PDZD2: variants seen among roughly 807,000 people sequenced by gnomAD.
PDZD2 encodes the protein PDZ domain containing 2, also known as PDZ domain-containing protein 2.
PDZD2 carries 90 observed loss-of-function variants against 220.7 expected under a neutral mutation model. The observed-to-expected ratio is 0.41, with a 90% CI of 0.34 to 0.49. PDZD2 has a LOEUF of 0.49. Among genes scored for constraint, PDZD2 ranks in the 20% least tolerant of loss-of-function variants. The pLI, the probability that PDZD2 is intolerant of heterozygous loss-of-function variation, is 0.28. For missense variants in PDZD2, 3,174 were observed against 3,608.5 expected, an observed-to-expected ratio of 0.88 and a Z score of 3.08; for synonymous variants, 1,375 against 1,450.5, an observed-to-expected ratio of 0.95 and a Z score of 1.18.
rs1332677142 is a variant in PDZD2 at position 32,089,811 on chromosome 5, G to A, written c.6363G>A (p.Gln2121=). ...ACAGACGGGGAGGGTGCTTGGCCCA[G>A]GGCAACTGTCAGGAGAAGAGTGAAA... ...ESDRRGGCLA[Q]GNCQEKSEIR... The change falls in exon 20 of 25, where the codon CAG becomes CAA. Residue 2121 remains glutamine, a synonymous_variant. Transcript: ENST00000438447. The A allele has an allele frequency of 1.9e-6, 3 of 1,614,018 alleles. No homozygotes were observed. Among genetic ancestry groups the A allele is most frequent in the African/African-American group, 1.3e-5 (1 of 74,952 alleles).
At chr5:31,890,055 C>T (rs1740874016) in intron 2 of PDZD2, among the ~76,000 whole-genome samples, 1 of 150,212 alleles carries the variant, frequency 6.7e-6, no homozygotes, top group Non-Finnish European at 1.5e-5. Flanking sequence ...ACCCCCCCAC[C>T]CCCACCAAAA....
Position 32,072,285 on chromosome 5 carries a change from CGGA to C in PDZD2, c.2699_2701del (p.Glu900del), listed in dbSNP as rs1740828595. The C allele has an allele frequency of 3.1e-6, 5 of 1,613,772 alleles. No individual in the cohort carries two copies. The highest frequency in any genetic ancestry group is 4.2e-6 in the Non-Finnish European group (5 of 1,179,812). Reference sequence around the variant, plus strand: ...CACCCGGGAAGTGGCTGCAGCACGTCGGAGGAGGGCAGCCTGCCTCCCAGCACC... The same window carrying C: ...CACCCGGGAAGTGGCTGCAGCACGTCGGAGGGCAGCCTGCCTCCCAGCACC... On this transcript the variant is annotated inframe_deletion, in exon 17 of 25. Transcript: ENST00000438447.
At chr5:31,783,518 C>T (rs750404293) in intron 1 of PDZD2, among the ~76,000 whole-genome samples, 1 of 152,196 alleles carries the variant, frequency 6.6e-6, no homozygotes. Context: ...TTTAGTGTCT[C>T]ACTTGGCACA....
intron 1 of PDZD2, among the ~76,000 whole-genome samples, chr5:31,653,965 T>TA (rs1193104947): frequency 2.0e-5 from 3 of 152,114 alleles, no homozygotes; most frequent in African/African-American, 7.2e-5. Flanking sequence ...TTTATATTTT[T>TA]AGTAGAGACG....
intron 2 of PDZD2, among the ~76,000 whole-genome samples, chr5:31,956,721 T>C (rs1480079759): frequency 8.1e-6 from 1 of 124,152 alleles, no homozygotes; most frequent in Non-Finnish European, 1.6e-5. Context: ...ATTGCGCCAC[T>C]GCACTCCAGC....
intron 2 of PDZD2, among the ~76,000 whole-genome samples, chr5:31,904,592 A>T (rs1742457066): frequency 6.6e-6 from 1 of 152,102 alleles, no homozygotes; most frequent in Admixed American, 6.5e-5. Flanking sequence ...CAGTGGCACG[A>T]TCTCGGCTCA....
chr5:31,988,845 C>G (rs1021925664), intron 3 of PDZD2, among the ~76,000 whole-genome samples: 1 of 152,160 alleles, frequency 6.6e-6, no homozygotes, highest in Non-Finnish European at 1.5e-5. Context: ...TTAGCTTCTA[C>G]CTTTCCTAGG....
intron 5 of PDZD2, among the ~76,000 whole-genome samples, chr5:32,004,632 C>T (rs1752665158): frequency 6.6e-6 from 1 of 152,162 alleles, no homozygotes; most frequent in Admixed American, 6.5e-5. Context: ...AATTAACTTG[C>T]CCTGAGGTCA....
chr5:32,015,202 A>G (rs1753696712), intron 6 of PDZD2, among the ~76,000 whole-genome samples: 1 of 151,984 alleles, frequency 6.6e-6, no homozygotes, highest in African/African-American at 2.4e-5. Flanking sequence ...TCAGCCTCCC[A>G]AAGTGCTGGG....
chr5:31,980,589 G>A (rs1750213828), intron 2 of PDZD2, among the ~76,000 whole-genome samples: 1 of 152,142 alleles, frequency 6.6e-6, no homozygotes, highest in Admixed American at 6.5e-5. Context: ...CTGAGCACAT[G>A]TATTTAAATA....
chr5:32,073,690 G>A, intron 17 of PDZD2, 142 bp from the exon 18 acceptor site: 1 of 687,816 alleles, frequency 1.5e-6, no homozygotes, highest in Non-Finnish European at 2.6e-6. Flanking sequence ...TGTTGCCTAG[G>A]CCTTGTGTCC....
intron 1 of PDZD2, among the ~76,000 whole-genome samples, chr5:31,771,953 A>AT (rs1752363622): frequency 6.6e-6 from 1 of 152,184 alleles, no homozygotes; most frequent in African/African-American, 2.4e-5. Flanking sequence ...TTCTTAAACT[A>AT]AGATTTTTGA....
intron 1 of PDZD2, among the ~76,000 whole-genome samples, chr5:31,676,591 G>A (rs1746433013): frequency 1.4e-5 from 2 of 141,558 alleles, no homozygotes; most frequent in Admixed American, 7.3e-5. Flanking sequence ...TTTTGAGACA[G>A]AGTCTCGCTC....
chr5:31,771,874 C>T (rs1047094097), intron 1 of PDZD2, among the ~76,000 whole-genome samples: 1 of 151,838 alleles, frequency 6.6e-6, no homozygotes, highest in Non-Finnish European at 1.5e-5. Flanking sequence ...TTTTTTTAAC[C>T]TATTAAATGA....
At chr5:31,900,137 A>C (rs967714251) in intron 2 of PDZD2, among the ~76,000 whole-genome samples, 1 of 152,210 alleles carries the variant, frequency 6.6e-6, no homozygotes, top group East Asian at 1.9e-4. Flanking sequence ...TGAGAATGGC[A>C]GAGGGTGAGC....
chr5:31,980,999 T>A (rs1180321168), intron 2 of PDZD2, among the ~76,000 whole-genome samples: 1 of 152,234 alleles, frequency 6.6e-6, no homozygotes, highest in Non-Finnish European at 1.5e-5. Context: ...TTGGCCAGGC[T>A]GTTCTGGAAC....
In PDZD2 at chr5:31,776,450, TTTTATTTATTTA is replaced by T. The variant is rs10592711; in HGVS notation, c.-360-22408_-360-22397del. Among the ~76,000 whole-genome samples the T allele has an allele frequency of 3.0e-3, 421 of 139,164 alleles. 2 individuals carry two copies. Among genetic ancestry groups the T allele is most frequent in the Non-Finnish European group, 3.8e-3 (247 of 64,976 alleles). 91.3% of individuals were successfully genotyped at this position (139,164 alleles called of 152,430 possible). ...CTACTCCCCATACATTGTGTTTTTA[TTTTATTTATTTA>T]TTTATTTATTTATTTATTTATTTAT... On this transcript the variant is annotated intron_variant, in intron 1 of 24. Transcript: ENST00000438447.
At chr5:31,794,122 T>G (rs901900344) in intron 1 of PDZD2, among the ~76,000 whole-genome samples, 3 of 152,184 alleles carry the variant, frequency 2.0e-5, no homozygotes, top group African/African-American at 7.2e-5. Context: ...CTGTTATTGG[T>G]TTCTTTAATT....
chr5:31,687,600 C>G lies in PDZD2; in HGVS notation c.-361+48163C>G, dbSNP rs186540239. Among the ~76,000 whole-genome samples, 3 of 152,266 alleles carry G rather than the reference C, an allele frequency of 2.0e-5. No individual in the cohort carries two copies. The East Asian group carries it at 5.8e-4, about 29-fold the overall frequency. The stretch of plus-strand genomic sequence containing the variant: ...ACAGCAGCACCCCACTTCTTGGTAC[C>G]AAAATCTATATTGATTTGTTATGCC... On this transcript the variant is annotated intron_variant, in intron 1 of 24. Transcript: ENST00000438447.
Sources: allele counts gnomAD v4.1 joint callset (sites outside exome capture counted in the v4.1 genomes callset), GRCh38; gene constraint gnomAD v4.1.1; transcripts MANE v1.5; gene names NCBI Gene and HGNC (gene_info 2026-07-23, HGNC 2026-07-21).